The following UMODL1 variants were observed in gnomAD, a reference collection of about 807,000 sequenced individuals.
UMODL1 encodes the protein uromodulin like 1, also known as uromodulin-like 1.
Under a neutral mutation model 136.3 loss-of-function variants are expected in UMODL1, and 128 were observed. The observed-to-expected ratio is 0.94, with a 90% CI of 0.81 to 1.09. UMODL1 has a LOEUF of 1.09. UMODL1 is among the 50% of genes least tolerant of loss of function. The pLI, the probability that UMODL1 is intolerant of heterozygous loss-of-function variation, is 0.00. For missense variants in UMODL1, 1,766 were observed against 1,725.6 expected (o/e 1.02, Z -0.41); for synonymous variants, 721 against 720.0 (o/e 1.00, Z -0.02).
intron 12 of UMODL1, 63 bp from the exon 13 acceptor site, chr21:42,113,510 G>A (rs946814504): frequency 1.2e-5 from 18 of 1,559,910 alleles, no homozygotes; most frequent in Admixed American, 5.6e-5. Flanking sequence ...GGCATTGGGC[G>A]AGGCTTCTTT....
rs547013419 is a variant in UMODL1 at position 42,082,066 on chromosome 21, G to C, written c.320-2018G>C. Among the ~76,000 whole-genome samples, 8 of 152,342 alleles carry C rather than the reference G, an allele frequency of 5.3e-5. No homozygotes were observed. The South Asian group carries it at 1.4e-3, about 28-fold the overall frequency. On this transcript the variant is annotated intron_variant, in intron 2 of 22. Coordinates refer to ENST00000408910, the MANE Select transcript of UMODL1 (RefSeq NM_001004416.3). ...AGTGAGTCAGGGACAACGCAGGAAA[G>C]AGAGTGCGGCTGAGAGGAATGCCCA...
intron 4 of UMODL1, among the ~76,000 whole-genome samples, chr21:42,087,127 G>A (rs1157667540): frequency 6.6e-6 from 1 of 152,128 alleles, no homozygotes; most frequent in Admixed American, 6.5e-5. Flanking sequence ...ATATTGCTGC[G>A]TGACACCTGC....
exon 1 of UMODL1, chr21:42,062,994 G>A (rs114819924): frequency 0.016 from 2,374 of 152,368 alleles, 57 homozygotes; most frequent in African/African-American, 0.05. Flanking sequence ...GGGAGAAACC[G>A]TCCCCTGCCT....
chr21:42,140,765 G>A (rs2067271228), intron 22 of UMODL1, among the ~76,000 whole-genome samples: 1 of 152,194 alleles, frequency 6.6e-6, no homozygotes, highest in African/African-American at 2.4e-5. Flanking sequence ...GGCAGGTGCT[G>A]CTGCTCAATT....
intron 13 of UMODL1, among the ~76,000 whole-genome samples, chr21:42,114,394 G>T (rs189384438): frequency 6.6e-6 from 1 of 152,320 alleles, no homozygotes; most frequent in East Asian, 1.9e-4. Flanking sequence ...CATTAGCATC[G>T]CTACCTGGGT....
intron 2 of UMODL1, among the ~76,000 whole-genome samples, chr21:42,076,922 G>A (rs1341013840): frequency 6.6e-6 from 1 of 151,972 alleles, no homozygotes; most frequent in Non-Finnish European, 1.5e-5. Flanking sequence ...GTTATGCCAG[G>A]CCAGGGTCTG....
chr21:42,111,479 G>A, intron 11 of UMODL1, 27 bp from the exon 12 acceptor site: 2 of 1,613,896 alleles, frequency 1.2e-6, no homozygotes, highest in Non-Finnish European at 1.7e-6. Context: ...TGGGGCCACA[G>A]ATGGCCCACT....
At chr21:42,071,244 G>A (rs192353206), upstream of UMODL1, 230 of 1,393,960 alleles carry the variant, frequency 1.6e-4, no homozygotes, top group African/African-American at 2.6e-3. Flanking sequence ...AGGCCCCTAT[G>A]AGCCCTGGCG....
intron 21 of UMODL1, 112 bp downstream of exon 21, chr21:42,129,909 T>C: frequency 1.3e-6 from 1 of 763,412 alleles, no homozygotes; most frequent in Non-Finnish European, 2.0e-6. Context: ...TTGAGAGACT[T>C]CTAAGAGGCT....
At position 42,133,259 on chromosome 21, in the gene UMODL1, C is replaced by T. The variant is rs139977512; in HGVS notation, c.3775+3462C>T. Among the ~76,000 whole-genome samples, 275 of 152,354 alleles carry T rather than the reference C, an allele frequency of 1.8e-3. 2 individuals carry two copies. The highest frequency in any genetic ancestry group is 6.1e-3 in the African/African-American group (253 of 41,586). On this transcript the variant is annotated intron_variant, in intron 21 of 22. Transcript: ENST00000408910. ...GGTTCCTCAGGACCTCACCGCTATC[C>T]GCGGCCTCTGAGATCCCACGCTCTG...
intron 6 of UMODL1, among the ~76,000 whole-genome samples, chr21:42,098,467 G>A (rs1005504700): frequency 1.4e-4 from 17 of 124,078 alleles, no homozygotes; most frequent in African/African-American, 3.9e-4. Context: ...ATTTATTATT[G>A]GAAAAAAAAA....
intron 3 of UMODL1, among the ~76,000 whole-genome samples, chr21:42,084,719 CAT>C (rs910837957): frequency 1.3e-4 from 19 of 150,198 alleles, no homozygotes; most frequent in African/African-American, 2.4e-4. Context: ...ATGGCCTATA[CAT>C]ATATATATAT....
At chr21:42,077,005 GTGTGT>G (rs1569140440) in intron 2 of UMODL1, among the ~76,000 whole-genome samples, 15 of 4,426 alleles carry the variant, frequency 3.4e-3, no homozygotes, top group South Asian at 6.3e-3. Flanking sequence ...GGGGAGGGGT[GTGTGT>G]GTGTGTGTGT....
chr21:42,085,582 A>G lies in UMODL1; in HGVS notation c.603+170A>G. 1 of 1,021,898 alleles carries G rather than the reference A, an allele frequency of 9.8e-7. No homozygotes were observed. The highest frequency in any genetic ancestry group is 2.3e-5 in the Admixed American group (1 of 42,626). The allele number at this position is 1,021,898 out of a possible 1,614,324, so 63.3% of individuals were successfully genotyped here. A position where few individuals can be genotyped will look rare whatever the true frequency, so the allele number is the denominator to read the frequency against. On this transcript the variant is annotated intron_variant, in intron 4 of 22. Coordinates refer to ENST00000408910, the MANE Select transcript of UMODL1 (RefSeq NM_001004416.3). The surrounding 1 kb of genome is among the most constrained non-coding windows in gnomAD (Gnocchi z 4.5). The stretch of plus-strand genomic sequence containing the variant: ...TCTAGTTCTTAAAAAATCAGCTTCA[A>G]AGAGGTATGATTTACATGCAACAAA...
rs750810622 is a variant in UMODL1, at chr21:42,111,574, C to A, written c.1968C>A (p.Phe656Leu). The part of the protein sequence containing the change: ...PSPTEDPTGH[F>L]LWHATRSTRE... ...CTACTGAGGACCCCACCGGCCACTTCCTGTGGCATGCCACCCGTTCCACCC... is the reference window on the plus strand; with the variant it reads ...CTACTGAGGACCCCACCGGCCACTTACTGTGGCATGCCACCCGTTCCACCC... The change falls in exon 12 of 23, where the codon TTC (phenylalanine) becomes TTA (leucine). Residue 656 changes from phenylalanine to leucine, a missense_variant. By Grantham distance (22) the Phe-to-Leu change is conservative (BLOSUM62 0). Transcript: ENST00000408910. The A allele has an allele frequency of 1.5e-5, 25 of 1,614,064 alleles. No homozygotes were observed. Among genetic ancestry groups the A allele is most frequent in the Non-Finnish European group, 2.1e-5 (25 of 1,180,022 alleles).
rs1454044472 is a variant in UMODL1, at chr21:42,132,431, A to G, written c.3775+2634A>G. 2.6e-5 allele frequency among the ~76,000 whole-genome samples: 4 copies of G among 151,306 alleles called. No individual in the cohort carries two copies. In the East Asian group the frequency reaches 7.9e-4, roughly 30 times the overall value. On this transcript the variant is annotated intron_variant, in intron 21 of 22. Transcript: ENST00000408910. ...CCAACCATACATTCATCTGTCATCC[A>G]TCCATCCATTCAACTATCATCCATC...
chr21:42,111,094 C>T lies in UMODL1; in HGVS notation c.1872C>T (p.Asn624=), dbSNP rs1263389924. 5.0e-6 allele frequency: 8 copies of T among 1,612,598 alleles called. No homozygotes were observed. The highest frequency in any genetic ancestry group is 1.6e-4 in the Middle Eastern group (1 of 6,084). ...GCAATGTGGTCGGGTATGACAGGAA[C>T]AACACAGGAAAAGGCGTGGAGCAGG... The part of the protein sequence containing the change: ...GGSNVVGYDR[N]NTGKGVEQEL... The change falls in exon 11 of 23, where the codon AAC becomes AAT. Residue 624 remains asparagine (N), a synonymous_variant. Coordinates refer to ENST00000408910, the MANE Select transcript of UMODL1 (RefSeq NM_001004416.3).
At chr21:42,100,074 G>A (rs565744525) in intron 7 of UMODL1, among the ~76,000 whole-genome samples, 15 of 152,266 alleles carry the variant, frequency 9.9e-5, no homozygotes, top group South Asian at 2.1e-4. Flanking sequence ...CCTGGTGCCC[G>A]TGGTGCCTAG....
At chr21:42,077,644 A>G (rs2066311413) in intron 2 of UMODL1, among the ~76,000 whole-genome samples, 1 of 152,232 alleles carries the variant, frequency 6.6e-6, no homozygotes. Flanking sequence ...GTATCTTATC[A>G]GTTAACTGCA....
Sources: allele counts gnomAD v4.1 joint callset (sites outside exome capture counted in the v4.1 genomes callset), GRCh38; gene constraint gnomAD v4.1.1; non-coding constraint Gnocchi (gnomAD v3.1); transcripts MANE v1.5; gene names NCBI Gene and HGNC (gene_info 2026-07-23, HGNC 2026-07-21).